Variants in GRB2 observed in about 807,000 individuals in gnomAD.
The protein encoded by GRB2 is growth factor receptor bound protein 2, also known as growth factor receptor-bound protein 2.
Under a neutral mutation model 27.4 loss-of-function variants are expected in GRB2, and 2 were observed. The ratio of observed to expected loss-of-function variants is 0.07; its 90% CI spans 0.03 to 0.23. The LOEUF (loss-of-function observed/expected upper bound fraction) is 0.23, where lower values mean the gene tolerates loss of function less well. Ranked by LOEUF, GRB2 falls within the 10% of genes least tolerant of loss-of-function variation. The probability of loss-of-function intolerance (pLI) is 1.00; values close to 1 mark genes in which losing one functional copy is unlikely to be tolerated. For missense variants in GRB2, 102 were observed against 282.4 expected, an observed-to-expected ratio of 0.36 and a Z score of 4.58; for synonymous variants, 94 against 99.6, an observed-to-expected ratio of 0.94 and a Z score of 0.33.
chr17:75,336,025 C>T (rs1176273076), intron 2 of GRB2, among the ~76,000 whole-genome samples: 2 of 152,098 alleles, frequency 1.3e-5, no homozygotes, highest in Non-Finnish European at 2.9e-5. Flanking sequence ...CACCACCTGC[C>T]CCTGTACTGG....
intron 2 of GRB2, among the ~76,000 whole-genome samples, chr17:75,382,378 A>T (rs1271480659): frequency 6.6e-6 from 1 of 152,248 alleles, no homozygotes; most frequent in Non-Finnish European, 1.5e-5. Context: ...AATAATTAAT[A>T]CAGGTTGTAT....
intron 2 of GRB2, among the ~76,000 whole-genome samples, chr17:75,368,565 T>C (rs997024494): frequency 6.6e-6 from 1 of 151,276 alleles, no homozygotes; most frequent in Non-Finnish European, 1.5e-5. Context: ...AGATAGGATC[T>C]TGCTCTGTTA....
chr17:75,337,572 ATTT>A (rs5822084), intron 2 of GRB2, among the ~76,000 whole-genome samples: 6 of 130,904 alleles, frequency 4.6e-5, no homozygotes, highest in East Asian at 2.2e-4. Flanking sequence ...TACTGTTACT[ATTT>A]TTTTTTTTTT....
At chr17:75,402,800 G>A (rs532873678) in intron 1 of GRB2, among the ~76,000 whole-genome samples, 6 of 152,248 alleles carry the variant, frequency 3.9e-5, no homozygotes, top group Non-Finnish European at 7.4e-5. Context: ...TATTGGCCGG[G>A]CGCGGTGGCT....
intron 2 of GRB2, among the ~76,000 whole-genome samples, chr17:75,347,306 C>T (rs2078661797): frequency 6.6e-6 from 1 of 152,186 alleles, no homozygotes; most frequent in Non-Finnish European, 1.5e-5. Context: ...ATGGACCGGA[C>T]TGAGAACCCA....
chr17:75,344,226 A>T (rs189925027), intron 2 of GRB2, among the ~76,000 whole-genome samples: 1 of 152,130 alleles, frequency 6.6e-6, no homozygotes, highest in African/African-American at 2.4e-5. Context: ...GTCTGTGTGG[A>T]CTGTGAGTAG....
intron 2 of GRB2, chr17:75,393,260 T>C (rs1031582344): frequency 4.2e-6 from 2 of 478,832 alleles, no homozygotes; most frequent in Non-Finnish European, 3.7e-6. Flanking sequence ...AATCTACTCA[T>C]ATACTTCCTT....
chr17:75,384,638 C>G (rs996795066), intron 2 of GRB2, among the ~76,000 whole-genome samples: 7 of 152,060 alleles, frequency 4.6e-5, no homozygotes, highest in Non-Finnish European at 7.4e-5. Context: ...CCACTGTACT[C>G]CAGCCTGGGC....
At chr17:75,396,558 C>A (rs1322468310) in intron 1 of GRB2, among the ~76,000 whole-genome samples, 1 of 152,066 alleles carries the variant, frequency 6.6e-6, no homozygotes, top group Non-Finnish European at 1.5e-5. Flanking sequence ...CCAGTTTCGT[C>A]ATCTGTAAAA....
intron 2 of GRB2, among the ~76,000 whole-genome samples, chr17:75,341,704 T>C (rs1305089738): frequency 6.6e-6 from 1 of 152,090 alleles, no homozygotes; most frequent in East Asian, 1.9e-4. Flanking sequence ...GAAGGAGTTG[T>C]GCCCCATGAA....
intron 2 of GRB2, among the ~76,000 whole-genome samples, chr17:75,390,560 C>T (rs1290215280): frequency 6.6e-6 from 1 of 152,178 alleles, no homozygotes; most frequent in Non-Finnish European, 1.5e-5. Context: ...AAAACACAAG[C>T]TTTTATAAGA....
chr17:75,345,350 C>T (rs1161071685), intron 2 of GRB2, among the ~76,000 whole-genome samples: 1 of 152,080 alleles, frequency 6.6e-6, no homozygotes, highest in Non-Finnish European at 1.5e-5. Flanking sequence ...CGCCCGACAA[C>T]AGAGTTTATT....
intron 3 of GRB2, among the ~76,000 whole-genome samples, chr17:75,332,154 G>A (rs61764604): frequency 9.1e-4 from 138 of 152,214 alleles, no homozygotes; most frequent in African/African-American, 3.1e-3. Context: ...TAATAAAATC[G>A]TGACAAGGGT....
chr17:75,356,950 C>T (rs1159767263), intron 2 of GRB2, among the ~76,000 whole-genome samples: 1 of 149,334 alleles, frequency 6.7e-6, no homozygotes, highest in Admixed American at 6.7e-5. Context: ...TTTTCTTCTC[C>T]ATCTACACTC....
At chr17:75,356,374 G>A (rs969374508) in intron 2 of GRB2, among the ~76,000 whole-genome samples, 2 of 152,076 alleles carry the variant, frequency 1.3e-5, no homozygotes, top group African/African-American at 4.8e-5. Context: ...TAGGTGTGGT[G>A]GTGTGTACCT....
intron 3 of GRB2, among the ~76,000 whole-genome samples, chr17:75,329,811 G>A (rs2078526803): frequency 6.6e-6 from 1 of 152,138 alleles, no homozygotes; most frequent in African/African-American, 2.4e-5. Context: ...AGGATAACTT[G>A]AGCCCAACCT....
chr17:75,327,300 G>C (rs1247823420), intron 3 of GRB2, among the ~76,000 whole-genome samples: 1 of 151,666 alleles, frequency 6.6e-6, no homozygotes, highest in Admixed American at 6.6e-5. Context: ...GGATGGTCTC[G>C]ATCTCCTGAC....
intron 2 of GRB2, among the ~76,000 whole-genome samples, chr17:75,355,899 C>T (rs1232516457): frequency 3.4e-5 from 5 of 147,308 alleles, no homozygotes; most frequent in Middle Eastern, 3.6e-3. Flanking sequence ...GGCGTGATCT[C>T]GGCTTACTGC....
chr17:75,374,787 G>GT (rs892095335), intron 2 of GRB2, among the ~76,000 whole-genome samples: 1 of 151,842 alleles, frequency 6.6e-6, no homozygotes, highest in Non-Finnish European at 1.5e-5. Flanking sequence ...ACAAGACTCT[G>GT]TCTCAAGAAA....
Sources: allele counts gnomAD v4.1 joint callset (sites outside exome capture counted in the v4.1 genomes callset), GRCh38; gene constraint gnomAD v4.1.1; transcripts MANE v1.5; gene names NCBI Gene and HGNC (gene_info 2026-07-23, HGNC 2026-07-21).